PLAT: variants seen among roughly 807,000 people sequenced by gnomAD.
PLAT encodes plasminogen activator, tissue type.
A neutral mutation model predicts 74.9 loss-of-function variants in PLAT; 48 were observed. The observed-to-expected ratio is 0.64, with a 90% CI of 0.51 to 0.82. PLAT has a LOEUF of 0.82. Ranked by LOEUF, PLAT falls within the 40% of genes least tolerant of loss-of-function variation. The probability of loss-of-function intolerance (pLI) is 0.00; values close to 1 mark genes in which losing one functional copy is unlikely to be tolerated. For missense variants in PLAT, 673 were observed against 736.2 expected, an observed-to-expected ratio of 0.91 and a Z score of 0.99; for synonymous variants, 307 against 294.4, an observed-to-expected ratio of 1.04 and a Z score of -0.44.
chr8:42,204,670 G>C (rs1340790280), intron 1 of PLAT, among the ~76,000 whole-genome samples: 1 of 147,716 alleles, frequency 6.8e-6, no homozygotes, highest in South Asian at 2.1e-4. Context: ...AGCCAAGATT[G>C]TGCCACTGCA....
chr8:42,204,583 C>T (rs901328837), intron 1 of PLAT, among the ~76,000 whole-genome samples: 10 of 151,308 alleles, frequency 6.6e-5, no homozygotes, highest in Middle Eastern at 3.5e-3. Context: ...GGTGTGGTGG[C>T]GGGCGCCTGT....
At chr8:42,182,516 G>C (rs930576741) in intron 8 of PLAT, 9 of 480,298 alleles carry the variant, frequency 1.9e-5, no homozygotes, top group Non-Finnish European at 2.9e-5. Context: ...CTTAACTTGG[G>C]ATTTAGGTTG....
intron 13 of PLAT, 97 bp from the exon 14 acceptor site, chr8:42,176,248 A>G: frequency 1.2e-6 from 1 of 828,494 alleles, no homozygotes; most frequent in Non-Finnish European, 1.9e-6. Flanking sequence ...TTCAAAATAC[A>G]GCAGGCCCTT....
At chr8:42,199,735 C>T (rs1308967289) in intron 1 of PLAT, among the ~76,000 whole-genome samples, 1 of 152,218 alleles carries the variant, frequency 6.6e-6, no homozygotes, top group Non-Finnish European at 1.5e-5. Context: ...TCCTAATACA[C>T]TTAGATCCTT....
At chr8:42,191,322 G>A (rs891747824) in intron 3 of PLAT, 50 bp downstream of exon 3, 85 of 1,523,278 alleles carry the variant, frequency 5.6e-5, no homozygotes, top group East Asian at 2.2e-4. Flanking sequence ...CCTGCACCCC[G>A]CCCTGCCTCC....
chr8:42,187,904 A>T lies in PLAT; in HGVS notation c.364+2T>A. The T allele has an allele frequency of 6.4e-7, 1 of 1,567,772 alleles. No homozygotes were observed. Among genetic ancestry groups the T allele is most frequent in the Non-Finnish European group, 8.8e-7 (1 of 1,137,838 alleles). ...TCGTTTCACGTGCTCTCACCTACTC[A>T]CCTATTTCACAGCACTTCCCAGCAA... On this transcript the variant is annotated splice_donor_variant, in intron 5 of 13. Coordinates refer to ENST00000220809, the MANE Select transcript of PLAT (RefSeq NM_000930.5). LOFTEE classifies it high-confidence loss of function.
At position 42,187,694 on chromosome 8, in the gene PLAT, G is replaced by C. The variant is rs1805537999; in HGVS notation, c.365-122C>G. Reference sequence around the variant, plus strand: ...ATGCAGGCTGGCTCGGAAGCCACAGGCTGGGTGGCAAGGGTGCCAGCCTGG... The same window carrying C: ...ATGCAGGCTGGCTCGGAAGCCACAGCCTGGGTGGCAAGGGTGCCAGCCTGG... On this transcript the variant is annotated intron_variant, in intron 5 of 13. Transcript: ENST00000220809. 10 of 992,840 alleles carry C rather than the reference G, an allele frequency of 1.0e-5. No individual in the cohort carries two copies. The South Asian group carries it at 1.5e-4, about 15-fold the overall frequency. The allele number at this position is 992,840 out of a possible 1,614,324, so 61.5% of individuals were successfully genotyped here. A position where few individuals can be genotyped will look rare whatever the true frequency, so the allele number is the denominator to read the frequency against.
chr8:42,180,162 G>A (rs1805169583), intron 11 of PLAT, 80 bp downstream of exon 11: 4 of 1,591,084 alleles, frequency 2.5e-6, no homozygotes, highest in Non-Finnish European at 2.6e-6. Flanking sequence ...GAGGAGGCCC[G>A]TGTGTGTAAA....
intron 2 of PLAT, among the ~76,000 whole-genome samples, chr8:42,192,474 G>C (rs1321586600): frequency 6.6e-6 from 1 of 152,186 alleles, no homozygotes; most frequent in African/African-American, 2.4e-5. Flanking sequence ...GTTTGGTGCT[G>C]CAGTGAGCTA....
In PLAT at chr8:42,182,946, C is replaced by A. The variant is rs1805310089; in HGVS notation, c.632-56G>T. 4 of 1,462,696 alleles carry A rather than the reference C, an allele frequency of 2.7e-6. No homozygotes were observed. In the South Asian group the frequency reaches 3.7e-5, roughly 13 times the overall value. 90.6% of individuals were successfully genotyped at this position (1,462,696 alleles called of 1,614,324 possible). On this transcript the variant is annotated intron_variant, in intron 7 of 13. Transcript: ENST00000220809. ...AAAACAAATTCTGAAGCACGCAAGT[C>A]AGGGCTGGGGCTTGAAGCGGAGCTG...
intron 13 of PLAT, among the ~76,000 whole-genome samples, chr8:42,177,754 G>A (rs1306732701): frequency 1.3e-5 from 2 of 152,098 alleles, no homozygotes; most frequent in Non-Finnish European, 2.9e-5. Flanking sequence ...TTTGTTTCTG[G>A]ACTGTAAGCT....
At chr8:42,177,378 A>C (rs1276014580) in intron 13 of PLAT, among the ~76,000 whole-genome samples, 1 of 152,226 alleles carries the variant, frequency 6.6e-6, no homozygotes, top group Non-Finnish European at 1.5e-5. Context: ...GACTTACTGA[A>C]GAGTGGGTAG....
At chr8:42,188,098 A>G (rs1019459858) in intron 4 of PLAT, 82 bp from the exon 5 acceptor site, 6 of 745,310 alleles carry the variant, frequency 8.1e-6, no homozygotes, top group Admixed American at 6.6e-5. Context: ...CCTGTCTACC[A>G]CAATCCACAC....
At chr8:42,178,798 C>G (rs1004197677) in intron 13 of PLAT, 99 bp downstream of exon 13, 2 of 1,154,794 alleles carry the variant, frequency 1.7e-6, no homozygotes, top group African/African-American at 3.1e-5. Flanking sequence ...GGAAATCACT[C>G]CACTCTGGTG....
chr8:42,185,521 C>T (rs1487784189), intron 6 of PLAT: 2 of 166,702 alleles, frequency 1.2e-5, no homozygotes, highest in Non-Finnish European at 2.6e-5. Context: ...GCCTTGGCTT[C>T]CCAAAGTGCT....
chr8:42,180,655 G>A lies in PLAT; in HGVS notation c.920C>T (p.Pro307Leu), dbSNP rs1805203583. 6.3e-7 allele frequency: 1 copy of A among 1,598,596 alleles called. No homozygotes were observed. The highest frequency in any genetic ancestry group is 8.5e-7 in the Non-Finnish European group (1 of 1,171,380). ...GAGCCCTCCTTTGATGCGAAACTGA[G>A]GCTGGCTGTACTGTCTCAGGCCGCA... ...STCGLRQYSQ[P>L]QFRIKGGLFA... Residue 307 changes from proline (P) to leucine (L), a missense_variant, in exon 10 of 14, where the codon CCT (proline) becomes CTT (leucine). Pro to Leu is a moderately conservative substitution (Grantham distance 98, BLOSUM62 -3). Transcript: ENST00000220809.
rs567211487 is a variant in PLAT, at chr8:42,178,880, G to A, written c.1530+17C>T. ...CCCCTGGGTTGTGCCCAGCATGGGC[G>A]CGCCACTCCTGGTTACCTGGCAGGC... On this transcript the variant is annotated intron_variant, in intron 13 of 13. Coordinates refer to ENST00000220809, the MANE Select transcript of PLAT (RefSeq NM_000930.5). 2.4e-5 allele frequency: 39 copies of A among 1,611,270 alleles called. No individual in the cohort carries two copies. The highest frequency in any genetic ancestry group is 3.1e-5 in the Non-Finnish European group (36 of 1,179,052).
At chr8:42,176,520 C>T (rs1804980515) in intron 13 of PLAT, among the ~76,000 whole-genome samples, 1 of 152,210 alleles carries the variant, frequency 6.6e-6, no homozygotes, top group African/African-American at 2.4e-5. Flanking sequence ...TGCCAGGTGG[C>T]TCTGGCCACC....
At chr8:42,199,019 G>T (rs1410521835) in intron 1 of PLAT, among the ~76,000 whole-genome samples, 2 of 152,218 alleles carry the variant, frequency 1.3e-5, no homozygotes, top group Non-Finnish European at 1.5e-5. Context: ...GCCTTGGAAA[G>T]GGTGGCGTGC....
Sources: gnomAD v4.1 joint callset for allele counts (sites outside exome capture counted in the v4.1 genomes callset) on GRCh38, gnomAD v4.1.1 for gene constraint, MANE v1.5 for transcripts, NCBI Gene and HGNC (gene_info 2026-07-23, HGNC 2026-07-21) for gene names.